Variants in NELL2 observed in about 807,000 individuals in gnomAD.
NELL2 encodes the protein neural EGFL like 2, also known as protein kinase C-binding protein NELL2.
NELL2 carries 41 observed loss-of-function variants against 109.6 expected under a neutral mutation model. That is an observed-to-expected ratio of 0.37 (90% confidence interval 0.29 to 0.49). NELL2 has a LOEUF of 0.49. Ranked by LOEUF, NELL2 falls within the 20% of genes least tolerant of loss-of-function variation. The pLI is 0.98. For missense variants in NELL2, 900 were observed against 1,008.3 expected, an observed-to-expected ratio of 0.89 and a Z score of 1.45; for synonymous variants, 355 against 344.7, an observed-to-expected ratio of 1.03 and a Z score of -0.33.
chr12:44,815,858 T>C, intron 3 of NELL2, 128 bp downstream of exon 3: 3 of 988,062 alleles, frequency 3.0e-6, no homozygotes, highest in Non-Finnish European at 4.3e-6. Context: ...ACCTCGTGAT[T>C]TGCCCACCTC....
At chr12:44,891,830 T>C (rs1188617228) in intron 1 of NELL2, among the ~76,000 whole-genome samples, 1 of 152,216 alleles carries the variant, frequency 6.6e-6, no homozygotes, top group Non-Finnish European at 1.5e-5. Context: ...CTCTCTCCTC[T>C]TATTTAATTG....
In NELL2 at chr12:44,589,412, G is replaced by A. The variant is rs202227965; in HGVS notation, c.1663+17757C>T. Among the ~76,000 whole-genome samples, 8 of 117,558 alleles carry A rather than the reference G, an allele frequency of 6.8e-5. No homozygotes were observed. The Admixed American group carries it at 7.3e-4, about 11-fold the overall frequency. The allele number at this position is 117,558 out of a possible 152,430, so 77.1% of individuals were successfully genotyped here. On this transcript the variant is annotated intron_variant, in intron 15 of 19. Transcript: ENST00000429094. ...TATTTATTTATTTATTTATTTATTT[G>A]AGATGGAGTCTGGCTCTGTCATCCA...
At chr12:44,750,807 A>T (rs1940618415) in intron 9 of NELL2, among the ~76,000 whole-genome samples, 1 of 152,154 alleles carries the variant, frequency 6.6e-6, no homozygotes, top group Non-Finnish European at 1.5e-5. Context: ...AAATGAAGAT[A>T]ACAGGTTGTG....
At chr12:44,739,664 G>C (rs1395485112) in intron 9 of NELL2, among the ~76,000 whole-genome samples, 1 of 152,204 alleles carries the variant, frequency 6.6e-6, no homozygotes, top group Non-Finnish European at 1.5e-5. Flanking sequence ...GCCAAGGTGA[G>C]TGGATCACTT....
intron 13 of NELL2, among the ~76,000 whole-genome samples, chr12:44,627,852 A>C (rs1946320485): frequency 6.6e-6 from 1 of 152,238 alleles, no homozygotes; most frequent in African/African-American, 2.4e-5. Context: ...TGTTAGCAGA[A>C]TTGTATTAGC....
At chr12:44,919,301 T>A (rs1336421063) in intron 1 of NELL2, among the ~76,000 whole-genome samples, 1 of 151,996 alleles carries the variant, frequency 6.6e-6, no homozygotes, top group Non-Finnish European at 1.5e-5. Flanking sequence ...GTGCTCAGCA[T>A]GTAGTAAAAA....
intron 1 of NELL2, among the ~76,000 whole-genome samples, chr12:44,888,680 G>A (rs1008227296): frequency 4.0e-5 from 6 of 151,734 alleles, no homozygotes; most frequent in African/African-American, 1.5e-4. Context: ...AGCAAAGGTG[G>A]CTTTCCATAC....
chr12:44,787,489 A>T (rs1445596250), intron 3 of NELL2, among the ~76,000 whole-genome samples: 2 of 152,218 alleles, frequency 1.3e-5, no homozygotes, highest in Non-Finnish European at 2.9e-5. Flanking sequence ...AGGCTATTCA[A>T]ATCAGAATAG....
intron 13 of NELL2, among the ~76,000 whole-genome samples, chr12:44,628,062 T>C (rs1360630744): frequency 1.3e-5 from 2 of 152,176 alleles, no homozygotes; most frequent in Admixed American, 1.3e-4. Context: ...AAAGGACACG[T>C]ACTTTATAAT....
intron 1 of NELL2, among the ~76,000 whole-genome samples, chr12:44,903,382 G>C (rs1352789236): frequency 6.6e-6 from 1 of 152,138 alleles, no homozygotes; most frequent in African/African-American, 2.4e-5. Flanking sequence ...AAAAAGTCAT[G>C]AAACAACAGA....
At chr12:44,554,939 A>G (rs182097252) in intron 15 of NELL2, among the ~76,000 whole-genome samples, 2 of 152,314 alleles carry the variant, frequency 1.3e-5, no homozygotes, top group East Asian at 3.9e-4. Flanking sequence ...ATAAAAAGAA[A>G]TTTCACAGAC....
intron 9 of NELL2, among the ~76,000 whole-genome samples, chr12:44,720,090 A>C (rs1592395069): frequency 6.6e-6 from 1 of 152,178 alleles, no homozygotes; most frequent in East Asian, 1.9e-4. Context: ...TCATAATAAA[A>C]GTATTGAGCA....
chr12:44,793,357 CTAA>C (rs945138159), intron 3 of NELL2, among the ~76,000 whole-genome samples: 9 of 152,278 alleles, frequency 5.9e-5, no homozygotes, highest in Admixed American at 2.6e-4. Flanking sequence ...ATCAATTCAA[CTAA>C]TGAGTTCTAT....
chr12:44,777,495 T>C (rs557715437), intron 5 of NELL2, among the ~76,000 whole-genome samples, 181 bp from the exon 6 acceptor site: 2 of 152,192 alleles, frequency 1.3e-5, no homozygotes, highest in African/African-American at 4.8e-5. Flanking sequence ...TCAGGCACAA[T>C]AGATGATTAC....
At chr12:44,738,677 G>C in intron 9 of NELL2, among the ~76,000 whole-genome samples, 1 of 152,172 alleles carries the variant, frequency 6.6e-6, no homozygotes, top group Non-Finnish European at 1.5e-5. Context: ...GGAGAGGAAT[G>C]AAAGGATGTT....
At chr12:44,559,661 G>A (rs771413442) in intron 15 of NELL2, among the ~76,000 whole-genome samples, 10 of 152,152 alleles carry the variant, frequency 6.6e-5, no homozygotes, top group Non-Finnish European at 1.2e-4. Flanking sequence ...CAATACAGGA[G>A]CACCCAGATT....
upstream of NELL2, among the ~76,000 whole-genome samples, chr12:44,915,782 A>G (rs1383886887): frequency 2.6e-5 from 4 of 151,598 alleles, no homozygotes; most frequent in Non-Finnish European, 5.9e-5. Context: ...GTAGGAAGAG[A>G]TGCAAAAAAA....
At chr12:44,762,775 C>G (rs1183080981) in intron 9 of NELL2, among the ~76,000 whole-genome samples, 2 of 152,176 alleles carry the variant, frequency 1.3e-5, no homozygotes, top group African/African-American at 4.8e-5. Context: ...CTCAGGAATA[C>G]CTTGCCTGAT....
intron 1 of NELL2, among the ~76,000 whole-genome samples, chr12:44,888,019 G>GT (rs1428606470): frequency 6.6e-6 from 1 of 151,938 alleles, no homozygotes; most frequent in Non-Finnish European, 1.5e-5. Context: ...TTTGTGTATG[G>GT]TGAGAGATAG....
Sources: allele counts gnomAD v4.1 joint callset (sites outside exome capture counted in the v4.1 genomes callset), GRCh38; gene constraint gnomAD v4.1.1; transcripts MANE v1.5; gene names NCBI Gene and HGNC (gene_info 2026-07-23, HGNC 2026-07-21).